TMEM134: variants seen among roughly 807,000 people sequenced by gnomAD.
The protein encoded by TMEM134 is transmembrane protein 134.
Under a neutral mutation model 26.2 loss-of-function variants are expected in TMEM134, and 36 were observed. That is an observed-to-expected ratio of 1.37 (90% CI 1.05 to 1.81). The LOEUF is 1.81. Among genes scored for constraint, TMEM134 ranks in the 40% most tolerant of loss-of-function variants. The probability of loss-of-function intolerance (pLI) is 0.00; values close to 1 mark genes in which losing one functional copy is unlikely to be tolerated. For synonymous variants in TMEM134, 133 were observed against 113.6 expected, an observed-to-expected ratio of 1.17 and a Z score of -1.08; for missense variants, 339 against 263.5, an observed-to-expected ratio of 1.29 and a Z score of -1.98.
rs1163919369 is a variant in TMEM134, at chr11:67,467,559, G to A, written c.271C>T (p.Gln91Ter). 3.7e-6 allele frequency: 6 copies of A among 1,613,974 alleles called. No homozygotes were observed. The highest frequency in any genetic ancestry group is 1.7e-5 in the Admixed American group (1 of 59,996). Residue 91 changes from glutamine to a stop codon, truncating the protein, a stop_gained, in exon 3 of 7, where the codon CAG becomes TAG. Coordinates refer to ENST00000308022, the MANE Select transcript of TMEM134 (RefSeq NM_025124.4). LOFTEE classifies it high-confidence loss of function. ...CTGCTGATGGTGCTGAAGGACCACTGGGAGCTGCGGATGGAAGTTCGGCTG... is the reference window on the plus strand; with the variant it reads ...CTGCTGATGGTGCTGAAGGACCACTAGGAGCTGCGGATGGAAGTTCGGCTG... ...DSSRTSIRSSQWSFSTISSST... is the reference protein window; with the variant it reads ...DSSRTSIRSS
chr11:67,464,842 T>C lies in TMEM134; in HGVS notation c.466A>G (p.Ile156Val), dbSNP rs977180419. The change falls in exon 6 of 7, where the codon ATC (isoleucine) becomes GTC (valine). Residue 156 changes from isoleucine to valine, a missense_variant. Ile to Val is a conservative substitution (Grantham distance 29). Coordinates refer to ENST00000308022, the MANE Select transcript of TMEM134 (RefSeq NM_025124.4). ...AACAGGAAGCCCGGCACGAAGAAGA[T>C]GGCGCTGGAGACACCTGCGGGAGGG... ...ATPSPGVSSAIFFVPGFLLLV... is the reference protein window; with the variant it reads ...ATPSPGVSSAVFFVPGFLLLV... 76 of 1,610,252 alleles carry C rather than the reference T, an allele frequency of 4.7e-5. 2 individuals carry two copies. The East Asian group carries it at 1.6e-3, about 34-fold the overall frequency.
chr11:67,464,861 G>A lies in TMEM134; in HGVS notation c.452-5C>T, dbSNP rs760752525. The stretch of plus-strand genomic sequence containing the variant: ...AGAAGATGGCGCTGGAGACACCTGC[G>A]GGAGGGACCAGAGCCCGGTCAGGGC... On this transcript the variant is annotated splice_polypyrimidine_tract_variant and splice_region_variant and intron_variant, in intron 5 of 6. Coordinates refer to ENST00000308022, the MANE Select transcript of TMEM134 (RefSeq NM_025124.4). The A allele has an allele frequency of 2.5e-6, 4 of 1,610,376 alleles. No homozygotes were observed. Among genetic ancestry groups the A allele is most frequent in the South Asian group, 1.1e-5 (1 of 90,940 alleles).
chr11:67,465,119 G>C lies in TMEM134; in HGVS notation c.407-19C>G. The C allele has an allele frequency of 1.3e-6, 2 of 1,565,122 alleles. No homozygotes were observed. Among genetic ancestry groups the C allele is most frequent in the South Asian group, 1.2e-5 (1 of 86,110 alleles). ...ATCAGCACTGCACACAGACGGAGCC[G>C]CGGGGGTGGGGGCAGGAGCAGTGGT... On this transcript the variant is annotated intron_variant, in intron 4 of 6. Transcript: ENST00000308022.
intron 6 of TMEM134, 36 bp from the exon 7 acceptor site, chr11:67,464,732 C>CCCTCCCCGCAACACCGCCCCCAGTG (rs1565169079): frequency 6.5e-7 from 1 of 1,549,598 alleles, no homozygotes; most frequent in African/African-American, 1.4e-5. Context: ...GAAGCCCCGC[C>CCCTCCCCGCAACACCGCCCCCAGTG]CCTCCCCGCA....
chr11:67,464,962 G>C (rs1357487248), intron 5 of TMEM134, 94 bp downstream of exon 5: 2 of 1,506,818 alleles, frequency 1.3e-6, no homozygotes, highest in African/African-American at 1.4e-5. Context: ...CTGAAAAGGA[G>C]CCGTGTACTG....
chr11:67,461,808 T>G lies in TMEM134; in HGVS notation c.*2806A>C, dbSNP rs1171521472. 1 of 152,242 alleles carries G rather than the reference T, an allele frequency of 6.6e-6. No individual in the cohort carries two copies. Among genetic ancestry groups the G allele is most frequent in the African/African-American group, 2.4e-5 (1 of 41,466 alleles). The allele number at this position is 152,242 out of a possible 1,614,324, so 9.4% of individuals were successfully genotyped here. A position where few individuals can be genotyped will look rare whatever the true frequency, so the allele number is the denominator to read the frequency against. On this transcript the variant is annotated 3_prime_UTR_variant, in exon 7 of 7. Coordinates refer to ENST00000308022, the MANE Select transcript of TMEM134 (RefSeq NM_025124.4). ...AATTTTATGTCATAAAATCTTATTA[T>G]TCTTTGACTTTTCTCCAACCATTAC... is the stretch of plus-strand genomic sequence containing the variant.
intron 5 of TMEM134, 48 bp from the exon 6 acceptor site, chr11:67,464,904 G>C (rs780919730): frequency 1.2e-6 from 2 of 1,601,024 alleles, no homozygotes; most frequent in African/African-American, 2.7e-5. Context: ...CGGAGGCTTC[G>C]AGGCCTTCCG....
At chr11:67,468,152 C>G (rs922880302) in intron 1 of TMEM134, 60 bp from the exon 2 acceptor site, 9 of 1,486,574 alleles carry the variant, frequency 6.1e-6, no homozygotes, top group African/African-American at 1.4e-5. Flanking sequence ...TCACTCCCTC[C>G]CGGGAAGAGA....
intron 1 of TMEM134, among the ~76,000 whole-genome samples, chr11:67,468,662 C>G (rs1454892983): frequency 6.6e-6 from 1 of 152,192 alleles, no homozygotes; most frequent in African/African-American, 2.4e-5. Flanking sequence ...ACAGGGGATG[C>G]TCCTGCGTGT....
At chr11:67,466,242 G>A (rs1865236252) in intron 4 of TMEM134, 1 of 152,266 alleles carries the variant, frequency 6.6e-6, no homozygotes, top group Non-Finnish European at 1.5e-5. Flanking sequence ...CAGCTACTCT[G>A]GAGGCTAAGG....
At position 67,464,459 on chromosome 11, in the gene TMEM134, C is replaced by T; in HGVS notation, c.*155G>A. The T allele has an allele frequency of 1.3e-6, 1 of 741,648 alleles. No homozygotes were observed. The allele number at this position is 741,648 out of a possible 1,614,324, so 45.9% of individuals were successfully genotyped here. A position where few individuals can be genotyped will look rare whatever the true frequency, so the allele number is the denominator to read the frequency against. ...CAGAGCAGGCGACGGGCGGCTTTCC[C>T]AGGGCCAGGCCTGCATGCCCCGAAC... On this transcript the variant is annotated 3_prime_UTR_variant, in exon 7 of 7. Transcript: ENST00000308022.
chr11:67,467,622 G>A (rs2134232959), intron 2 of TMEM134, 32 bp from the exon 3 acceptor site: 1 of 1,609,322 alleles, frequency 6.2e-7, no homozygotes, highest in South Asian at 1.1e-5. Flanking sequence ...GAGGGGCAGG[G>A]AGGCAAGGAC....
In TMEM134 at chr11:67,464,593, G is replaced by T; in HGVS notation, c.*21C>A. The T allele has an allele frequency of 6.4e-7, 1 of 1,551,274 alleles. No homozygotes were observed. The highest frequency in any genetic ancestry group is 8.7e-7 in the Non-Finnish European group (1 of 1,146,564). On this transcript the variant is annotated 3_prime_UTR_variant, in exon 7 of 7. Coordinates refer to ENST00000308022, the MANE Select transcript of TMEM134 (RefSeq NM_025124.4). Reference sequence around the variant, plus strand: ...AAGAGGGGCGCCCCCATGGGCGCAAGGGGTCCACGCTGCGCCGCGATCACT... The same window carrying T: ...AAGAGGGGCGCCCCCATGGGCGCAATGGGTCCACGCTGCGCCGCGATCACT...
In TMEM134 at chr11:67,462,557, G is replaced by A. The variant is rs779257925; in HGVS notation, c.*2057C>T. On this transcript the variant is annotated 3_prime_UTR_variant, in exon 7 of 7. Coordinates refer to ENST00000308022, the MANE Select transcript of TMEM134 (RefSeq NM_025124.4). ...TTTAATAGAAATGGGATTTCACCCT[G>A]TTGGCCAGGCTGGTCTCGAACTCCT... The A allele has an allele frequency of 6.6e-6, 1 of 151,982 alleles. No homozygotes were observed. The highest frequency in any genetic ancestry group is 1.5e-5 in the Non-Finnish European group (1 of 68,000). 9.4% of individuals were successfully genotyped at this position (151,982 alleles called of 1,614,324 possible).
chr11:67,465,046 G>A lies in TMEM134; in HGVS notation c.451+10C>T. 4 of 1,573,968 alleles carry A rather than the reference G, an allele frequency of 2.5e-6. No individual in the cohort carries two copies. The highest frequency in any genetic ancestry group is 3.4e-6 in the Non-Finnish European group (4 of 1,163,592). On this transcript the variant is annotated intron_variant, in intron 5 of 6. Transcript: ENST00000308022. ...TGTCCTCTGCCTGTGGGGGCGGGAG[G>A]GTCGCTCACCTGGAGAGGGGGTCGC... is the stretch of plus-strand genomic sequence containing the variant.
In TMEM134 at chr11:67,463,366, T is replaced by C. The variant is rs1316835948; in HGVS notation, c.*1248A>G. ...TGGCCGGTAGGGGAGACCAGCTCAGTGCCGGTTTCCTTCTCCCTCCCCGAC... is the reference window on the plus strand; with the variant it reads ...TGGCCGGTAGGGGAGACCAGCTCAGCGCCGGTTTCCTTCTCCCTCCCCGAC... On this transcript the variant is annotated 3_prime_UTR_variant, in exon 7 of 7. Coordinates refer to ENST00000308022, the MANE Select transcript of TMEM134 (RefSeq NM_025124.4). 6.6e-6 allele frequency: 1 copy of C among 152,172 alleles called. No homozygotes were observed. The highest frequency in any genetic ancestry group is 2.4e-5 in the African/African-American group (1 of 41,438). 9.4% of individuals were successfully genotyped at this position (152,172 alleles called of 1,614,324 possible).
rs1453557630 is a variant in TMEM134, at chr11:67,464,356, G to A, written c.*258C>T. 2 of 565,524 alleles carry A rather than the reference G, an allele frequency of 3.5e-6. No homozygotes were observed. The highest frequency in any genetic ancestry group is 6.3e-6 in the Non-Finnish European group (2 of 316,250). The allele number at this position is 565,524 out of a possible 1,614,324, so 35.0% of individuals were successfully genotyped here. On this transcript the variant is annotated 3_prime_UTR_variant, in exon 7 of 7. Transcript: ENST00000308022. ...GGACAGGAGGAGAGCAATTGCCTCTGGTGGAATTAATTACTCTTTTATTAG... is the reference window on the plus strand; with the variant it reads ...GGACAGGAGGAGAGCAATTGCCTCTAGTGGAATTAATTACTCTTTTATTAG...
rs1183072203 is a variant in TMEM134, at chr11:67,464,410, A to G, written c.*204T>C. 1.6e-5 allele frequency: 10 copies of G among 613,626 alleles called. No individual in the cohort carries two copies. Among genetic ancestry groups the G allele is most frequent in the African/African-American group, 7.4e-5 (4 of 53,814 alleles). 38.0% of individuals were successfully genotyped at this position (613,626 alleles called of 1,614,324 possible). A position where few individuals can be genotyped will look rare whatever the true frequency, so the allele number is the denominator to read the frequency against. Reference sequence around the variant, plus strand: ...AAAATAACAGCAACCTAGCAGCCGCACGGCCCGAGAATAAGTTAAGGCACA... The same window carrying G: ...AAAATAACAGCAACCTAGCAGCCGCGCGGCCCGAGAATAAGTTAAGGCACA... On this transcript the variant is annotated 3_prime_UTR_variant, in exon 7 of 7. Transcript: ENST00000308022.
intron 1 of TMEM134, among the ~76,000 whole-genome samples, chr11:67,468,486 T>C (rs1235073088): frequency 6.6e-6 from 1 of 151,422 alleles, no homozygotes; most frequent in Non-Finnish European, 1.5e-5. Context: ...TTGGTGGAGG[T>C]TTTCTGGGAA....
Sources: gnomAD v4.1 joint callset for allele counts (sites outside exome capture counted in the v4.1 genomes callset) on GRCh38, gnomAD v4.1.1 for gene constraint, MANE v1.5 for transcripts, NCBI Gene and HGNC (gene_info 2026-07-23, HGNC 2026-07-21) for gene names.